The following SLC41A3 variants were observed in gnomAD, a reference collection of about 807,000 sequenced individuals.
SLC41A3 encodes the protein solute carrier family 41 member 3, also known as SLC41A1-like 2.
SLC41A3 carries 44 observed loss-of-function variants against 45.4 expected under a neutral mutation model. That is an observed-to-expected ratio of 0.97 (90% CI 0.76 to 1.25). The LOEUF is 1.25. SLC41A3 is among the 50% of genes most tolerant of loss of function. The pLI, the probability that SLC41A3 is intolerant of heterozygous loss-of-function variation, is 0.00. For missense variants in SLC41A3, 550 were observed against 600.6 expected (o/e 0.92, Z 0.88); for synonymous variants, 256 against 252.4 (o/e 1.01, Z -0.13).
At chr3:126,073,074 A>G (rs1944702950) in intron 1 of SLC41A3, 1 of 152,224 alleles carries the variant, frequency 6.6e-6, no homozygotes, top group Admixed American at 6.5e-5. Flanking sequence ...GTACACATGC[A>G]TATAAAGAAG....
upstream of SLC41A3, among the ~76,000 whole-genome samples, chr3:126,087,844 A>G (rs554018607): frequency 5.9e-5 from 9 of 152,262 alleles, no homozygotes; most frequent in African/African-American, 2.2e-4. Context: ...AGAAGAAATT[A>G]TAGTAGTCTT....
chr3:126,031,943 C>T (rs1402085727), intron 4 of SLC41A3, among the ~76,000 whole-genome samples: 1 of 152,220 alleles, frequency 6.6e-6, no homozygotes, highest in African/African-American at 2.4e-5. Flanking sequence ...TGTAAACACA[C>T]AACTACAATC....
chr3:126,073,014 A>T (rs773268115), intron 1 of SLC41A3: 2 of 152,358 alleles, frequency 1.3e-5, no homozygotes, highest in Admixed American at 6.5e-5. Flanking sequence ...CTAATGCAGA[A>T]ACAGAAACCC....
At chr3:126,015,722 AC>A (rs1940212667) in intron 7 of SLC41A3, 149 bp from the exon 8 acceptor site, 1 of 731,668 alleles carries the variant, frequency 1.4e-6, no homozygotes, top group East Asian at 2.7e-5. Flanking sequence ...CTGCGGCCAA[AC>A]TGGTCTCCCC....
At chr3:126,077,131 A>G (rs1056679125) in intron 1 of SLC41A3, among the ~76,000 whole-genome samples, 1 of 152,210 alleles carries the variant, frequency 6.6e-6, no homozygotes, top group African/African-American at 2.4e-5. Flanking sequence ...TAATACCAGC[A>G]CTTTGGGAGC....
chr3:126,077,865 G>A (rs1235639203), intron 1 of SLC41A3, among the ~76,000 whole-genome samples: 19 of 152,194 alleles, frequency 1.2e-4, no homozygotes, highest in South Asian at 2.1e-4. Flanking sequence ...AGGAGCCGCC[G>A]GCCTGGGCGA....
intron 1 of SLC41A3, among the ~76,000 whole-genome samples, chr3:126,082,422 C>A (rs1576376053): frequency 6.6e-6 from 1 of 152,322 alleles, no homozygotes; most frequent in Middle Eastern, 3.4e-3. Context: ...CAAAGAACTG[C>A]CCCACCCCAA....
chr3:126,067,847 T>C lies in SLC41A3; in HGVS notation c.273+100A>G, dbSNP rs1051884050. 2.1e-6 allele frequency: 3 copies of C among 1,450,028 alleles called. No individual in the cohort carries two copies. In the African/African-American group the frequency reaches 4.3e-5, roughly 21 times the overall value. The allele number at this position is 1,450,028 out of a possible 1,614,324, so 89.8% of individuals were successfully genotyped here. A position where few individuals can be genotyped will look rare whatever the true frequency, so the allele number is the denominator to read the frequency against. On this transcript the variant is annotated intron_variant, in intron 2 of 10. Transcript: ENST00000360370. ...AAAAAAAATGGCTTTTCAAGAGGAC[T>C]GCCCGACAACCTTTAAGCTCAACCT...
At chr3:126,067,572 T>C (rs1435994865) in intron 2 of SLC41A3, 1 of 453,782 alleles carries the variant, frequency 2.2e-6, no homozygotes, top group Non-Finnish European at 4.4e-6. Flanking sequence ...GATCTTGGAC[T>C]TCCAGCCTCT....
intron 1 of SLC41A3, chr3:126,070,301 C>T: frequency 6.6e-6 from 1 of 152,348 alleles, no homozygotes; most frequent in Middle Eastern, 3.4e-3. Flanking sequence ...TGATCAGGTT[C>T]CCTCTCCTGT....
At chr3:126,025,986 C>T (rs1233932872) in intron 5 of SLC41A3, among the ~76,000 whole-genome samples, 2 of 152,230 alleles carry the variant, frequency 1.3e-5, no homozygotes, top group East Asian at 3.8e-4. Context: ...TTAAAACCAA[C>T]AGGCTGACTG....
intron 3 of SLC41A3, among the ~76,000 whole-genome samples, chr3:126,034,858 C>G (rs1293528357): frequency 6.6e-6 from 1 of 152,222 alleles, no homozygotes; most frequent in African/African-American, 2.4e-5. Flanking sequence ...AAAAGACACT[C>G]CTTTCTCAAA....
At chr3:126,014,693 A>T (rs754450208) in intron 8 of SLC41A3, among the ~76,000 whole-genome samples, 11 of 152,262 alleles carry the variant, frequency 7.2e-5, no homozygotes, top group Non-Finnish European at 1.3e-4. Flanking sequence ...GACACTGTGG[A>T]CACGCAGGGG....
chr3:126,077,472 C>T (rs1944932583), intron 1 of SLC41A3, among the ~76,000 whole-genome samples: 1 of 152,106 alleles, frequency 6.6e-6, no homozygotes, highest in African/African-American at 2.4e-5. Context: ...AGTGTATATC[C>T]TTCCAATGTT....
At chr3:126,028,977 T>A (rs192878405) in intron 4 of SLC41A3, among the ~76,000 whole-genome samples, 1 of 152,366 alleles carries the variant, frequency 6.6e-6, no homozygotes, top group East Asian at 1.9e-4. Context: ...ACCCAATACC[T>A]GTATCCCCCA....
chr3:126,099,419 G>A (rs1011037103), intron 1 of SLC41A3, among the ~76,000 whole-genome samples: 2 of 152,218 alleles, frequency 1.3e-5, no homozygotes, highest in Non-Finnish European at 2.9e-5. Flanking sequence ...GATTTAAAGA[G>A]GGTAGAATGA....
intron 9 of SLC41A3, among the ~76,000 whole-genome samples, chr3:126,012,062 C>G (rs1280990445): frequency 6.6e-6 from 1 of 152,176 alleles, no homozygotes; most frequent in Non-Finnish European, 1.5e-5. Flanking sequence ...TCCTTCATCC[C>G]CTCCTGTCCA....
chr3:126,050,802 A>G lies in SLC41A3; in HGVS notation c.381+141T>C, dbSNP rs537546052. 63 of 1,365,978 alleles carry G rather than the reference A, an allele frequency of 4.6e-5. No individual in the cohort carries two copies. The African/African-American group carries it at 8.6e-4, about 19-fold the overall frequency. 84.6% of individuals were successfully genotyped at this position (1,365,978 alleles called of 1,614,324 possible). A position where few individuals can be genotyped will look rare whatever the true frequency, so the allele number is the denominator to read the frequency against. ...TTGGGCTGGGAGAGGGACAAGGGAC[A>G]GCATGATGAGGTATCAAAACCCAGA... On this transcript the variant is annotated intron_variant, in intron 3 of 10. Transcript: ENST00000360370.
At chr3:126,020,404 T>C (rs1340009412) in intron 6 of SLC41A3, among the ~76,000 whole-genome samples, 1 of 152,198 alleles carries the variant, frequency 6.6e-6, no homozygotes, top group Non-Finnish European at 1.5e-5. Context: ...CTAATCTCCT[T>C]AGAAACTGGT....
Sources: allele counts gnomAD v4.1 joint callset (sites outside exome capture counted in the v4.1 genomes callset), GRCh38; gene constraint gnomAD v4.1.1; transcripts MANE v1.5; gene names NCBI Gene and HGNC (gene_info 2026-07-23, HGNC 2026-07-21).